Variants in RPS6KA5 observed in about 807,000 individuals in gnomAD.
RPS6KA5 encodes the protein ribosomal protein S6 kinase alpha-5.
In RPS6KA5, 27 loss-of-function variants were observed where a neutral mutation model predicts 85.5. The observed-to-expected ratio is 0.32, with a 90% CI of 0.23 to 0.44. The LOEUF (loss-of-function observed/expected upper bound fraction) is 0.44. RPS6KA5 is among the 20% of genes least tolerant of loss of function. The pLI, the probability that RPS6KA5 is intolerant of heterozygous loss-of-function variation, is 1.00. For missense variants in RPS6KA5, 811 were observed against 980.9 expected (o/e 0.83, Z 2.31); for synonymous variants, 334 against 348.2 (o/e 0.96, Z 0.46).
In RPS6KA5 at chr14:90,876,741, T is replaced by C. The variant is rs547699827; in HGVS notation, c.1837-1381A>G. Among the ~76,000 whole-genome samples the C allele has an allele frequency of 2.4e-4, 37 of 152,282 alleles. 1 individual carries two copies. In the South Asian group the frequency reaches 7.3e-3, roughly 30 times the overall value. On this transcript the variant is annotated intron_variant, in intron 14 of 16. Coordinates refer to ENST00000614987, the MANE Select transcript of RPS6KA5 (RefSeq NM_004755.4). ...GGGAGCAGTGGTGTCGGCAGGAGCC[T>C]GGGCTGAGGGAAGCGTGCTCATCCT... is the stretch of plus-strand genomic sequence containing the variant.
At chr14:90,951,249 C>T (rs1037198579) in intron 3 of RPS6KA5, among the ~76,000 whole-genome samples, 3 of 151,778 alleles carry the variant, frequency 2.0e-5, no homozygotes, top group South Asian at 2.1e-4. Context: ...TTTGTGAGGC[C>T]GAGGCGGGCG....
intron 13 of RPS6KA5, among the ~76,000 whole-genome samples, chr14:90,891,806 T>C (rs768830477): frequency 2.0e-5 from 3 of 152,100 alleles, no homozygotes; most frequent in Non-Finnish European, 4.4e-5. Flanking sequence ...ACGGCTGGGG[T>C]TGATGGATGC....
At chr14:90,892,782 T>C (rs907862204) in intron 13 of RPS6KA5, among the ~76,000 whole-genome samples, 4 of 152,234 alleles carry the variant, frequency 2.6e-5, no homozygotes, top group African/African-American at 9.6e-5. Context: ...TAATATACAC[T>C]GCCATTTAAA....
In RPS6KA5 at chr14:90,900,652, G is replaced by A. The variant is rs745922176; in HGVS notation, c.1204C>T (p.Arg402Cys). The change falls in exon 10 of 17, where the codon CGT becomes TGT. Residue 402 changes from arginine to cysteine, a missense_variant. By Grantham distance (180) the Arg-to-Cys change is radical (BLOSUM62 -3). Transcript: ENST00000614987. ...CTGGCAACATTTGTCACTCCAGGAC[G>A]TTCAACTCCCATGTGAAACTGAAGA... ...DPLQFHMGVE[R>C]PGVTNVARSA... 7.4e-6 allele frequency: 12 copies of A among 1,613,830 alleles called. No homozygotes were observed. The highest frequency in any genetic ancestry group is 1.6e-4 in the Middle Eastern group (1 of 6,062).
rs569641823 is a variant in RPS6KA5, at chr14:91,048,897, A to G, written c.103+11435T>C. Among the ~76,000 whole-genome samples the G allele has an allele frequency of 5.5e-4, 84 of 152,352 alleles. 1 individual carries two copies. Among genetic ancestry groups the G allele is most frequent in the Non-Finnish European group, 7.3e-4 (50 of 68,036 alleles). On this transcript the variant is annotated intron_variant, in intron 1 of 16. Transcript: ENST00000614987. ...CCTAGAGCAGTTTTCACCAAGAATCAGCTTCTTTTTCACAGGGAAGAATTC... is the reference window on the plus strand; with the variant it reads ...CCTAGAGCAGTTTTCACCAAGAATCGGCTTCTTTTTCACAGGGAAGAATTC...
At chr14:90,892,154 A>G (rs112878840) in intron 13 of RPS6KA5, among the ~76,000 whole-genome samples, 2,105 of 152,116 alleles carry the variant, frequency 0.014, 30 homozygotes, top group Non-Finnish European at 0.024. Context: ...GCCCGCCACC[A>G]TGCCTGGCTA....
At chr14:90,975,686 A>G (rs2039532913) in intron 3 of RPS6KA5, among the ~76,000 whole-genome samples, 1 of 152,228 alleles carries the variant, frequency 6.6e-6, no homozygotes, top group African/African-American at 2.4e-5. Flanking sequence ...GCAAACTAAT[A>G]TAGGGACCAA....
At position 91,035,135 on chromosome 14, in the gene RPS6KA5, A is replaced by G. The variant is rs1006782747; in HGVS notation, c.103+25197T>C. Among the ~76,000 whole-genome samples the G allele has an allele frequency of 2.0e-5, 3 of 152,124 alleles. No individual in the cohort carries two copies. The East Asian group carries it at 5.8e-4, about 29-fold the overall frequency. On this transcript the variant is annotated intron_variant, in intron 1 of 16. Coordinates refer to ENST00000614987, the MANE Select transcript of RPS6KA5 (RefSeq NM_004755.4). ...ATGATAATTTGAGCTAAGCCTTTAAAAGTACACAGAAACTTCTGGATGTGG... is the reference window on the plus strand; with the variant it reads ...ATGATAATTTGAGCTAAGCCTTTAAGAGTACACAGAAACTTCTGGATGTGG...
rs2033145636 is a variant in RPS6KA5, at chr14:90,872,054, C to T, written c.*20G>A. 2 of 1,602,080 alleles carry T rather than the reference C, an allele frequency of 1.2e-6. No homozygotes were observed. Among genetic ancestry groups the T allele is most frequent in the African/African-American group, 1.4e-5 (1 of 74,018 alleles). On this transcript the variant is annotated 3_prime_UTR_variant, in exon 17 of 17. Coordinates refer to ENST00000614987, the MANE Select transcript of RPS6KA5 (RefSeq NM_004755.4). Reference sequence around the variant, plus strand: ...GAGGGAATAAAGGTGCAATGGATCACTGATACACTCCTACCATGCCTAAGC... The same window carrying T: ...GAGGGAATAAAGGTGCAATGGATCATTGATACACTCCTACCATGCCTAAGC...
rs940505867 is a variant in RPS6KA5 at position 90,853,369 on chromosome 14, T to G, written c.*18705A>C. ...AAAGAGTAGATTCATCAAACTAAGA[T>G]CTCCCATTAAGACATCAACAATGAA... On this transcript the variant is annotated 3_prime_UTR_variant, in exon 17 of 17. Coordinates refer to ENST00000614987, the MANE Select transcript of RPS6KA5 (RefSeq NM_004755.4). 6.6e-6 allele frequency: 1 copy of G among 151,656 alleles called. No homozygotes were observed. Among genetic ancestry groups the G allele is most frequent in the Non-Finnish European group, 1.5e-5 (1 of 67,950 alleles). The allele number at this position is 151,656 out of a possible 1,614,324, so 9.4% of individuals were successfully genotyped here. A position where few individuals can be genotyped will look rare whatever the true frequency, so the allele number is the denominator to read the frequency against.
chr14:90,983,895 A>G (rs532422127), intron 2 of RPS6KA5, among the ~76,000 whole-genome samples: 2 of 145,396 alleles, frequency 1.4e-5, no homozygotes, highest in Non-Finnish European at 3.0e-5. Context: ...CCCAGACCGG[A>G]GTGCAGTGGC....
chr14:90,962,832 T>C (rs551587632), intron 3 of RPS6KA5, among the ~76,000 whole-genome samples: 150 of 152,346 alleles, frequency 9.8e-4, no homozygotes, highest in Non-Finnish European at 1.9e-3. Context: ...TGTGCATATT[T>C]TTCCTGAACC....
rs147765264 is a variant in RPS6KA5, at chr14:91,048,504, AAAAG to A, written c.103+11824_103+11827del. On this transcript the variant is annotated intron_variant, in intron 1 of 16. Coordinates refer to ENST00000614987, the MANE Select transcript of RPS6KA5 (RefSeq NM_004755.4). Reference sequence around the variant, plus strand: ...GGATGCCTACTGAATACTTTTTTAAAAAAGAAAGAAAGAAAAAAGTGAGACAGCC... The same window carrying A: ...GGATGCCTACTGAATACTTTTTTAAAAAAGAAAGAAAAAAGTGAGACAGCC... Among the ~76,000 whole-genome samples the A allele has an allele frequency of 8.0e-3, 1,220 of 152,262 alleles. 19 individuals carry two copies. The highest frequency in any genetic ancestry group is 0.028 in the African/African-American group (1,177 of 41,512).
intron 7 of RPS6KA5, among the ~76,000 whole-genome samples, chr14:90,916,537 T>G (rs2036125562): frequency 6.6e-6 from 1 of 152,082 alleles, no homozygotes; most frequent in Admixed American, 6.5e-5. Flanking sequence ...CTGAGCTAAT[T>G]AAGACACTGG....
chr14:90,984,423 C>G (rs1286463734), intron 2 of RPS6KA5, among the ~76,000 whole-genome samples: 4 of 152,172 alleles, frequency 2.6e-5, no homozygotes, highest in African/African-American at 9.7e-5. Flanking sequence ...ACTGGATCAA[C>G]TATGTAAATT....
At chr14:91,053,639 A>C (rs1295726815) in intron 1 of RPS6KA5, among the ~76,000 whole-genome samples, 2 of 152,248 alleles carry the variant, frequency 1.3e-5, no homozygotes. Flanking sequence ...AAATAAATTT[A>C]ACAAAAGTGC....
chr14:91,055,361 A>G (rs1339247666), intron 1 of RPS6KA5, among the ~76,000 whole-genome samples: 1 of 152,248 alleles, frequency 6.6e-6, no homozygotes, highest in Non-Finnish European at 1.5e-5. Context: ...TACAATAGCC[A>G]AAAGGTGGAA....
intron 9 of RPS6KA5, among the ~76,000 whole-genome samples, chr14:90,902,458 C>T (rs2035222917): frequency 6.6e-6 from 1 of 152,110 alleles, no homozygotes; most frequent in Non-Finnish European, 1.5e-5. Context: ...ACACTCCAGT[C>T]TGGGCATCAG....
Position 90,856,310 on chromosome 14 carries a change from T to A in RPS6KA5, c.*15764A>T, listed in dbSNP as rs1390991027. 6.6e-6 allele frequency: 1 copy of A among 152,054 alleles called. No homozygotes were observed. Among genetic ancestry groups the A allele is most frequent in the Non-Finnish European group, 1.5e-5 (1 of 68,208 alleles). 9.4% of individuals were successfully genotyped at this position (152,054 alleles called of 1,614,324 possible). A position where few individuals can be genotyped will look rare whatever the true frequency, so the allele number is the denominator to read the frequency against. Reference sequence around the variant, plus strand: ...GGATGGCATTCTCTGAATAGCCAGGTGTTAGTACTGACTTCCTCAAACTAG... The same window carrying A: ...GGATGGCATTCTCTGAATAGCCAGGAGTTAGTACTGACTTCCTCAAACTAG... On this transcript the variant is annotated 3_prime_UTR_variant, in exon 17 of 17. Coordinates refer to ENST00000614987, the MANE Select transcript of RPS6KA5 (RefSeq NM_004755.4).
Sources: gnomAD v4.1 joint callset for allele counts (sites outside exome capture counted in the v4.1 genomes callset) on GRCh38, gnomAD v4.1.1 for gene constraint, MANE v1.5 for transcripts, NCBI Gene and HGNC (gene_info 2026-07-23, HGNC 2026-07-21) for gene names.